The following VPS54 variants were observed in gnomAD, a reference collection of about 807,000 sequenced individuals.
The protein encoded by VPS54 is VPS54 subunit of GARP complex.
In VPS54, 45 loss-of-function variants were observed where a neutral mutation model predicts 121.5. The ratio of observed to expected loss-of-function variants is 0.37; its 90% confidence interval spans 0.29 to 0.47. VPS54 has a LOEUF of 0.47. Ranked by LOEUF, VPS54 falls within the 20% of genes least tolerant of loss-of-function variation. The pLI, the probability that VPS54 is intolerant of heterozygous loss-of-function variation, is 0.99. For missense variants in VPS54, 1,090 were observed against 1,131.4 expected (o/e 0.96, Z 0.52); for synonymous variants, 371 against 385.8 (o/e 0.96, Z 0.45).
chr2:63,975,428 G>C (rs943762968), intron 3 of VPS54: 2 of 162,800 alleles, frequency 1.2e-5, no homozygotes, highest in African/African-American at 4.8e-5. Context: ...TAGAAATTAC[G>C]GTTTAGGAGT....
chr2:63,959,556 T>G (rs1675656012), intron 7 of VPS54, among the ~76,000 whole-genome samples: 1 of 152,186 alleles, frequency 6.6e-6, no homozygotes, highest in African/African-American at 2.4e-5. Context: ...GAGCAAAATG[T>G]AGAAAATCAG....
chr2:64,014,460 C>T (rs781728216), intron 1 of VPS54, among the ~76,000 whole-genome samples: 3 of 152,134 alleles, frequency 2.0e-5, no homozygotes, highest in Non-Finnish European at 4.4e-5. Flanking sequence ...TGTGCTATAA[C>T]GGTGATACTC....
intron 8 of VPS54, among the ~76,000 whole-genome samples, chr2:63,948,021 T>A (rs935150394): frequency 1.3e-5 from 2 of 152,098 alleles, no homozygotes; most frequent in Admixed American, 6.5e-5. Flanking sequence ...ATTTGTTTTG[T>A]AGACTCACTG....
chr2:63,931,746 A>G (rs1674214725), intron 12 of VPS54, among the ~76,000 whole-genome samples: 1 of 152,226 alleles, frequency 6.6e-6, no homozygotes, highest in African/African-American at 2.4e-5. Flanking sequence ...AAATTTTTGC[A>G]ATCTACTCAT....
At chr2:63,974,903 T>C (rs975438556) in intron 3 of VPS54, 2 of 1,373,162 alleles carry the variant, frequency 1.5e-6, no homozygotes, top group African/African-American at 1.5e-5. Context: ...CTAATTTTTA[T>C]ATATTTTATT....
At chr2:64,010,744 ATAT>A (rs1678390407) in intron 1 of VPS54, among the ~76,000 whole-genome samples, 1 of 151,910 alleles carries the variant, frequency 6.6e-6, no homozygotes, top group African/African-American at 2.4e-5. Context: ...TGCGTATCAC[ATAT>A]TATTGCTCAC....
intron 20 of VPS54, among the ~76,000 whole-genome samples, chr2:63,903,828 A>T (rs971423879): frequency 6.6e-6 from 1 of 152,136 alleles, no homozygotes; most frequent in African/African-American, 2.4e-5. Flanking sequence ...AATCTGAAAA[A>T]AGGGGAAAAT....
intron 3 of VPS54, among the ~76,000 whole-genome samples, chr2:63,974,626 G>A (rs1676435576): frequency 1.3e-5 from 2 of 151,976 alleles, no homozygotes; most frequent in South Asian, 4.2e-4. Context: ...TCAGTCTTGT[G>A]GTTTTCCTCA....
chr2:63,965,196 G>T (rs1435958227), intron 6 of VPS54, among the ~76,000 whole-genome samples: 1 of 152,118 alleles, frequency 6.6e-6, no homozygotes, highest in Non-Finnish European at 1.5e-5. Flanking sequence ...CCAATGTGGG[G>T]CTGGGCATGG....
chr2:63,952,855 T>C (rs1261458425), intron 7 of VPS54, among the ~76,000 whole-genome samples: 1 of 152,146 alleles, frequency 6.6e-6, no homozygotes, highest in Non-Finnish European at 1.5e-5. Context: ...CTTCTTAGAA[T>C]CTGTCTCAAA....
At chr2:63,914,990 A>G (rs1201509973) in intron 16 of VPS54, among the ~76,000 whole-genome samples, 1 of 151,670 alleles carries the variant, frequency 6.6e-6, no homozygotes, top group Non-Finnish European at 1.5e-5. Context: ...TGTCTCTATT[A>G]AAAATTCAAA....
At chr2:63,992,243 T>C (rs989701599) in intron 1 of VPS54, among the ~76,000 whole-genome samples, 2 of 152,230 alleles carry the variant, frequency 1.3e-5, no homozygotes, top group Admixed American at 6.5e-5. Flanking sequence ...AGGCCGCTTA[T>C]TGGATTAATG....
At chr2:63,941,061 T>C (rs1339961631) in intron 11 of VPS54, among the ~76,000 whole-genome samples, 4 of 152,082 alleles carry the variant, frequency 2.6e-5, no homozygotes, top group Non-Finnish European at 5.9e-5. Flanking sequence ...AGTACCAAAG[T>C]CCCCTGCACT....
At chr2:63,977,945 A>C (rs1358471128) in intron 3 of VPS54, among the ~76,000 whole-genome samples, 1 of 152,200 alleles carries the variant, frequency 6.6e-6, no homozygotes, top group Non-Finnish European at 1.5e-5. Flanking sequence ...TACTATCTTC[A>C]GGTTTCCCTG....
intron 19 of VPS54, 33 bp from the exon 20 acceptor site, chr2:63,912,458 T>A (rs768667320): frequency 6.2e-7 from 1 of 1,608,014 alleles, no homozygotes; most frequent in African/African-American, 1.3e-5. Context: ...TATTTTTAAG[T>A]CCCTGGGACA....
chr2:64,015,484 G>T (rs561719734), intron 1 of VPS54, among the ~76,000 whole-genome samples: 1 of 151,784 alleles, frequency 6.6e-6, no homozygotes, highest in Non-Finnish European at 1.5e-5. Flanking sequence ...ACCAGAAATC[G>T]TGCAGCCCCT....
At chr2:63,964,238 C>A (rs1045014391) in intron 6 of VPS54, among the ~76,000 whole-genome samples, 5 of 152,062 alleles carry the variant, frequency 3.3e-5, no homozygotes, top group Non-Finnish European at 7.4e-5. Context: ...AAATCTGATT[C>A]TGCAATTTAC....
chr2:63,898,358 A>G (rs1672530601), intron 21 of VPS54, among the ~76,000 whole-genome samples: 1 of 152,210 alleles, frequency 6.6e-6, no homozygotes, highest in African/African-American at 2.4e-5. Context: ...AGAAGAAATT[A>G]GAAGGAAAAA....
chr2:63,918,730 G>A (rs1040510808), intron 15 of VPS54, among the ~76,000 whole-genome samples: 8 of 151,754 alleles, frequency 5.3e-5, no homozygotes, highest in African/African-American at 1.5e-4. Flanking sequence ...CTCTAGATTC[G>A]ATTCCATGCA....
Sources: allele counts gnomAD v4.1 joint callset (sites outside exome capture counted in the v4.1 genomes callset), GRCh38; gene constraint gnomAD v4.1.1; transcripts MANE v1.5; gene names NCBI Gene and HGNC (gene_info 2026-07-23, HGNC 2026-07-21).